The following DLG2 variants were observed in gnomAD, a reference collection of about 807,000 sequenced individuals.
DLG2 encodes discs large MAGUK scaffold protein 2.
DLG2 carries 45 observed loss-of-function variants against 132.5 expected under a neutral mutation model. That is an observed-to-expected ratio of 0.34 (90% CI 0.27 to 0.44). The LOEUF (loss-of-function observed/expected upper bound fraction) is 0.44. DLG2 is among the 20% of genes least tolerant of loss of function. The pLI is 1.00. For missense variants in DLG2, 1,045 were observed against 1,196.9 expected (o/e 0.87, Z 1.87); for synonymous variants, 424 against 419.6 (o/e 1.01, Z -0.13).
intron 6 of DLG2, among the ~76,000 whole-genome samples, chr11:84,857,073 CAATGGCTTCA>C (rs2082890439): frequency 6.7e-6 from 1 of 150,310 alleles, no homozygotes; most frequent in Non-Finnish European, 1.5e-5. Context: ...GTAAAATTAC[CAATGGCTTCA>C]AAGATGCCAA....
At chr11:83,630,807 CTT>C (rs2063421904) in intron 19 of DLG2, among the ~76,000 whole-genome samples, 1 of 152,166 alleles carries the variant, frequency 6.6e-6, no homozygotes. Flanking sequence ...TCAGTTTCCT[CTT>C]CTGTAAATTA....
intron 6 of DLG2, among the ~76,000 whole-genome samples, chr11:84,871,711 G>GTTTATTTA (rs140551159): frequency 4.8e-4 from 72 of 151,366 alleles, no homozygotes; most frequent in South Asian, 1.3e-3. Flanking sequence ...TCATTTCATT[G>GTTTATTTA]TTTATTTATT....
At chr11:84,787,930 C>T (rs564413449) in intron 6 of DLG2, among the ~76,000 whole-genome samples, 2 of 89,674 alleles carry the variant, frequency 2.2e-5, no homozygotes, top group South Asian at 3.9e-4. Flanking sequence ...GAAACCCTGT[C>T]TCTACTTACA....
chr11:83,507,578 A>T lies in DLG2; in HGVS notation c.2194-23350T>A, dbSNP rs1019319775. 4.1e-5 allele frequency among the ~76,000 whole-genome samples: 6 copies of T among 145,026 alleles called. 1 individual carries two copies. The highest frequency in any genetic ancestry group is 4.3e-4 in the South Asian group (2 of 4,702). On this transcript the variant is annotated intron_variant, in intron 21 of 27. Coordinates refer to ENST00000376104, the MANE Select transcript of DLG2 (RefSeq NM_001142699.3). ...TATCCTAAGTATATATATCCTATAG[A>T]TATCTATATAGATATCTATAGGATA...
In DLG2 at chr11:85,494,871, A is replaced by G. The variant is rs189491923; in HGVS notation, c.40+103786T>C. On this transcript the variant is annotated intron_variant, in intron 3 of 27. Coordinates refer to ENST00000376104, the MANE Select transcript of DLG2 (RefSeq NM_001142699.3). ...TTAAAAGAAAACACAAAAAGCAACA[A>G]TCATGAAGTAAAAGTGATACCATAA... 2.0e-3 allele frequency among the ~76,000 whole-genome samples: 271 copies of G among 138,828 alleles called. 1 individual carries two copies. The highest frequency in any genetic ancestry group is 6.7e-3 in the African/African-American group (260 of 38,962). The allele number at this position is 138,828 out of a possible 152,430, so 91.1% of individuals were successfully genotyped here.
intron 3 of DLG2, among the ~76,000 whole-genome samples, chr11:85,504,825 T>C (rs1229436792): frequency 6.6e-6 from 1 of 152,204 alleles, no homozygotes; most frequent in Non-Finnish European, 1.5e-5. Flanking sequence ...TTTCACAATA[T>C]TGATTCTTCC....
intron 3 of DLG2, among the ~76,000 whole-genome samples, chr11:85,490,321 A>T (rs974456106): frequency 6.6e-6 from 1 of 152,078 alleles, no homozygotes; most frequent in Non-Finnish European, 1.5e-5. Context: ...TAGTGAAAAA[A>T]TAGTAGAAAG....
At chr11:83,479,079 T>TATCA (rs1007309969) in intron 22 of DLG2, among the ~76,000 whole-genome samples, 36 of 152,232 alleles carry the variant, frequency 2.4e-4, no homozygotes, top group East Asian at 3.9e-4. Context: ...GAATTTCTTC[T>TATCA]ATCAATCAAT....
intron 6 of DLG2, among the ~76,000 whole-genome samples, chr11:84,991,784 C>A (rs1441198667): frequency 1.3e-5 from 2 of 152,116 alleles, no homozygotes; most frequent in Non-Finnish European, 2.9e-5. Flanking sequence ...TTACTTCTTA[C>A]AATTGCATGT....
intron 3 of DLG2, among the ~76,000 whole-genome samples, chr11:85,503,058 GAAGA>G (rs2093842169): frequency 6.6e-6 from 1 of 151,992 alleles, no homozygotes. Context: ...CCCGTATGAA[GAAGA>G]AAGAACCAAA....
chr11:83,771,205 T>C (rs1051854558), intron 18 of DLG2, among the ~76,000 whole-genome samples: 6 of 152,216 alleles, frequency 3.9e-5, no homozygotes, highest in African/African-American at 1.4e-4. Context: ...TATAGATAAT[T>C]GTGTTTCTTT....
At position 85,585,359 on chromosome 11, in the gene DLG2, A is replaced by C. The variant is rs559200425; in HGVS notation, c.40+13298T>G. On this transcript the variant is annotated intron_variant, in intron 3 of 27. Coordinates refer to ENST00000376104, the MANE Select transcript of DLG2 (RefSeq NM_001142699.3). The stretch of plus-strand genomic sequence containing the variant: ...GTTCTCTGTTCTGCTCCTTTGGTCT[A>C]TATGAGCCCTACCTAACTTTTTAAT... Among the ~76,000 whole-genome samples the C allele has an allele frequency of 9.2e-5, 14 of 152,244 alleles. 1 individual carries two copies. Among genetic ancestry groups the C allele is most frequent in the African/African-American group, 3.1e-4 (13 of 41,560 alleles).
chr11:85,054,501 C>T (rs1171650708), intron 6 of DLG2, among the ~76,000 whole-genome samples: 1 of 152,064 alleles, frequency 6.6e-6, no homozygotes, highest in East Asian at 1.9e-4. Context: ...ACCATTTAAC[C>T]CAGCAGTCCC....
At chr11:85,000,203 A>G (rs1247727900) in intron 6 of DLG2, among the ~76,000 whole-genome samples, 4 of 152,052 alleles carry the variant, frequency 2.6e-5, no homozygotes, top group Admixed American at 2.0e-4. Context: ...AAGCCTGCCA[A>G]TAACTCATAT....
intron 7 of DLG2, among the ~76,000 whole-genome samples, chr11:84,315,950 T>C (rs1239285697): frequency 6.6e-6 from 1 of 152,188 alleles, no homozygotes; most frequent in East Asian, 1.9e-4. Context: ...AATACAGCTT[T>C]TCTTCAATAC....
chr11:84,516,273 G>A (rs2099272757), intron 7 of DLG2, among the ~76,000 whole-genome samples: 1 of 151,406 alleles, frequency 6.6e-6, no homozygotes, highest in African/African-American at 2.4e-5. Flanking sequence ...CACTGGAAAT[G>A]AGCAGTAAAA....
At chr11:83,501,032 G>GA (rs151248218) in intron 21 of DLG2, among the ~76,000 whole-genome samples, 3,301 of 152,012 alleles carry the variant, frequency 0.022, 55 homozygotes, top group Non-Finnish European at 0.036. Context: ...AAGTAAAGAA[G>GA]AAAAAACCTT....
At chr11:85,174,764 C>G (rs542397883) in intron 4 of DLG2, among the ~76,000 whole-genome samples, 1 of 151,966 alleles carries the variant, frequency 6.6e-6, no homozygotes, top group African/African-American at 2.4e-5. Context: ...TAGACACACT[C>G]AGAAATGATA....
At chr11:83,676,028 C>A (rs1014356252) in intron 18 of DLG2, among the ~76,000 whole-genome samples, 9 of 152,168 alleles carry the variant, frequency 5.9e-5, no homozygotes, top group Admixed American at 1.3e-4. Flanking sequence ...TCCCCACCAC[C>A]ATCCCATCCT....
Sources: gnomAD v4.1 joint callset for allele counts (sites outside exome capture counted in the v4.1 genomes callset) on GRCh38, gnomAD v4.1.1 for gene constraint, MANE v1.5 for transcripts, NCBI Gene and HGNC (gene_info 2026-07-23, HGNC 2026-07-21) for gene names.